Variants in PCDHGA3 observed in about 807,000 individuals in gnomAD.
PCDHGA3 encodes the protein protocadherin gamma-A3.
A neutral mutation model predicts 58.5 loss-of-function variants in PCDHGA3; 40 were observed. The ratio of observed to expected loss-of-function variants is 0.68; its 90% confidence interval spans 0.53 to 0.89. PCDHGA3 has a LOEUF of 0.89. PCDHGA3 is among the 40% of genes least tolerant of loss of function. The pLI is 0.00. For synonymous variants in PCDHGA3, 530 were observed against 525.7 expected (o/e 1.01, Z -0.11); for missense variants, 1,223 against 1,195.9 (o/e 1.02, Z -0.33).
intron 1 of PCDHGA3, chr5:141,375,845 G>C (rs1308593204): frequency 6.2e-7 from 1 of 1,614,076 alleles, no homozygotes; most frequent in East Asian, 2.2e-5. Flanking sequence ...CGGCTACCTG[G>C]TGACCAAGGT....
At position 141,353,509 on chromosome 5, in the gene PCDHGA3, A is replaced by G. The variant is rs537109889; in HGVS notation, c.2424+7052A>G. 3.3e-5 allele frequency among the ~76,000 whole-genome samples: 5 copies of G among 152,308 alleles called. No homozygotes were observed. In the East Asian group the frequency reaches 9.6e-4, roughly 29 times the overall value. ...CACTTTGTCTCATCACAAGTAGCAA[A>G]TATTGTCCAATTTTATATTTGCATC... On this transcript the variant is annotated intron_variant, in intron 1 of 3. Transcript: ENST00000253812.
At chr5:141,440,030 G>A (rs780807702) in intron 1 of PCDHGA3, 2 of 153,028 alleles carry the variant, frequency 1.3e-5, no homozygotes, top group African/African-American at 2.4e-5. Context: ...ACTCAGTGTC[G>A]AGGACATGCC....
rs189987196 is a variant in PCDHGA3, at chr5:141,420,754, C to T, written c.2425-74053C>T. Among the ~76,000 whole-genome samples, 291 of 152,292 alleles carry T rather than the reference C, an allele frequency of 1.9e-3. 2 individuals carry two copies. The highest frequency in any genetic ancestry group is 3.6e-3 in the Non-Finnish European group (248 of 68,020). On this transcript the variant is annotated intron_variant, in intron 1 of 3. Coordinates refer to ENST00000253812, the MANE Select transcript of PCDHGA3 (RefSeq NM_018916.4). ...TAAAATCAATTGGAACCAACTACAA[C>T]CTACAAGTTTTCAGCTCCAGTAATA... is the stretch of plus-strand genomic sequence containing the variant.
chr5:141,374,202 A>T (rs1446012115), intron 1 of PCDHGA3: 5 of 1,613,868 alleles, frequency 3.1e-6, no homozygotes, highest in Non-Finnish European at 4.2e-6. Context: ...GAGGAGCTGG[A>T]GAAAGGCTCC....
At chr5:141,376,180 G>T (rs113596971) in intron 1 of PCDHGA3, 6 of 1,614,100 alleles carry the variant, frequency 3.7e-6, no homozygotes, top group East Asian at 2.2e-5. Context: ...CGGTGGCCGC[G>T]GTCTCCTGCG....
At chr5:141,347,224 G>A (rs922373463) in intron 1 of PCDHGA3, among the ~76,000 whole-genome samples, 2 of 142,692 alleles carry the variant, frequency 1.4e-5, no homozygotes, top group African/African-American at 5.4e-5. Context: ...CATGATCACG[G>A]CTCACTGCAG....
At chr5:141,380,974 A>C (rs1008958709) in intron 1 of PCDHGA3, among the ~76,000 whole-genome samples, 4 of 152,262 alleles carry the variant, frequency 2.6e-5, no homozygotes, top group African/African-American at 9.6e-5. Context: ...TATTAAACAA[A>C]TAGAATTTAA....
rs1330659052 is a variant in PCDHGA3, at chr5:141,490,012, G to T, written c.2425-4795G>T. On this transcript the variant is annotated intron_variant, in intron 1 of 3. Transcript: ENST00000253812. The surrounding 1 kb of genome is among the most constrained non-coding windows in gnomAD (Gnocchi z 5.4). ...GGGAATCCCAGAGAATGCACCCATT[G>T]GTACTCTGCTGCTCCGCCTCAATGC... The T allele has an allele frequency of 1.2e-6, 2 of 1,614,232 alleles. No homozygotes were observed. Among genetic ancestry groups the T allele is most frequent in the East Asian group, 4.5e-5 (2 of 44,888 alleles).
chr5:141,428,007 A>G, intron 1 of PCDHGA3: 1 of 1,602,018 alleles, frequency 6.2e-7, no homozygotes, highest in Non-Finnish European at 8.5e-7. Flanking sequence ...ACTCTTCGAT[A>G]TAGTGCCACG....
intron 1 of PCDHGA3, among the ~76,000 whole-genome samples, chr5:141,387,047 TTGTGTAA>T (rs1005909383): frequency 1.3e-4 from 20 of 152,186 alleles, no homozygotes; most frequent in African/African-American, 4.8e-4. Flanking sequence ...AGTAAAATAA[TTGTGTAA>T]TGAGGAGAGG....
chr5:141,352,129 C>T, intron 1 of PCDHGA3: 2 of 1,610,506 alleles, frequency 1.2e-6, no homozygotes, highest in Non-Finnish European at 8.5e-7. Context: ...GTGAGGTGCG[C>T]ACAGCGCGTG....
chr5:141,423,755 G>GC (rs542747697), intron 1 of PCDHGA3: 5,773 of 512,484 alleles, frequency 0.011, 63 homozygotes, highest in Non-Finnish European at 0.014. Context: ...CTGTTTGGGG[G>GC]GGGGGTGGGG....
At chr5:141,375,155 G>T in intron 1 of PCDHGA3, 1 of 1,613,962 alleles carries the variant, frequency 6.2e-7, no homozygotes, top group South Asian at 1.1e-5. Context: ...AACAATTGCT[G>T]AAAGTGCACC....
intron 1 of PCDHGA3, chr5:141,427,957 C>G (rs770633827): frequency 1.3e-5 from 20 of 1,588,284 alleles, no homozygotes; most frequent in African/African-American, 2.7e-5. Flanking sequence ...GACAATGTGC[C>G]GCGGGTGCTG....
chr5:141,422,535 A>T lies in PCDHGA3; in HGVS notation c.2425-72272A>T, dbSNP rs760963618. On this transcript the variant is annotated intron_variant, in intron 1 of 3. Transcript: ENST00000253812. ...AGGGAAGCCCGCCTTTGTCTGCAGA[A>T]ACTCATGTCTGGCTGAATGTGGCAG... 20 of 1,613,826 alleles carry T rather than the reference A, an allele frequency of 1.2e-5. 1 individual carries two copies. Among genetic ancestry groups the T allele is most frequent in the Non-Finnish European group, 8.5e-7 (1 of 1,179,882 alleles).
intron 1 of PCDHGA3, among the ~76,000 whole-genome samples, chr5:141,461,181 A>T (rs1322465700): frequency 1.3e-5 from 2 of 152,104 alleles, no homozygotes; most frequent in Non-Finnish European, 2.9e-5. Flanking sequence ...ATTGAATGGT[A>T]GATCTGTTTT....
chr5:141,359,109 G>A (rs777269083), intron 1 of PCDHGA3, among the ~76,000 whole-genome samples: 9 of 152,200 alleles, frequency 5.9e-5, no homozygotes, highest in Admixed American at 1.3e-4. Context: ...TGTATTCATA[G>A]AAAGTTGTGG....
chr5:141,473,151 T>C (rs2099315238), intron 1 of PCDHGA3, among the ~76,000 whole-genome samples: 1 of 152,242 alleles, frequency 6.6e-6, no homozygotes. Context: ...TTCAGATCAC[T>C]AGGGCTAGGA....
rs760943952 is a variant in PCDHGA3, at chr5:141,344,859, C to G, written c.826C>G (p.Gln276Glu). The G allele has an allele frequency of 1.2e-6, 2 of 1,613,788 alleles. No individual in the cohort carries two copies. Among genetic ancestry groups the G allele is most frequent in the Non-Finnish European group, 1.7e-6 (2 of 1,179,882 alleles). Reference sequence around the variant, plus strand: ...TGACCCTGACGAGGGATTCAATGCTCAAGTGTCTTATATTCTAGATAAAAT... The same window carrying G: ...TGACCCTGACGAGGGATTCAATGCTGAAGTGTCTTATATTCTAGATAAAAT... ...ATDPDEGFNAQVSYILDKMPG... is the reference protein window; with the variant it reads ...ATDPDEGFNAEVSYILDKMPG... Residue 276 changes from glutamine to glutamate, a missense_variant, in exon 1 of 4, where the codon CAA becomes GAA. Gln to Glu is a conservative substitution (Grantham distance 29). Coordinates refer to ENST00000253812, the MANE Select transcript of PCDHGA3 (RefSeq NM_018916.4).
Sources: gnomAD v4.1 joint callset for allele counts (sites outside exome capture counted in the v4.1 genomes callset) on GRCh38, gnomAD v4.1.1 for gene constraint, Gnocchi (gnomAD v3.1) non-coding constraint, MANE v1.5 for transcripts, NCBI Gene and HGNC (gene_info 2026-07-23, HGNC 2026-07-21) for gene names.